TBC1D23: variants seen among roughly 807,000 people sequenced by gnomAD.
TBC1D23 encodes the protein TBC1 domain family member 23, also known as HCV non-structural protein 4A-transactivated protein 1.
A neutral mutation model predicts 91.4 loss-of-function variants in TBC1D23; 55 were observed. That is an observed-to-expected ratio of 0.60 (90% confidence interval 0.48 to 0.75). TBC1D23 has a LOEUF of 0.75. TBC1D23 is among the 30% of genes least tolerant of loss of function. The pLI is 0.00. For missense variants in TBC1D23, 725 were observed against 836.1 expected (o/e 0.87, Z 1.64); for synonymous variants, 289 against 281.0 (o/e 1.03, Z -0.28).
intron 1 of TBC1D23, among the ~76,000 whole-genome samples, chr3:100,271,348 T>C (rs187971029): frequency 6.6e-6 from 1 of 152,222 alleles, no homozygotes; most frequent in Admixed American, 6.5e-5. Context: ...CGTGGAGACG[T>C]TTTTGTGGTG....
At position 100,295,325 on chromosome 3, in the gene TBC1D23, C is replaced by A; in HGVS notation, c.749C>A (p.Ser250Ter). Residue 250 changes from serine to a stop codon, truncating the protein, a stop_gained, in exon 7 of 19, where the codon TCA (serine) becomes TAA (stop). Coordinates refer to ENST00000394144, the MANE Select transcript of TBC1D23 (RefSeq NM_001199198.3). LOFTEE classifies it high-confidence loss of function. ...AGAGAAGTTATTTTAACACAAGAGTCAGACAGCAAAGAAGAAGTTATCAGT... is the reference window on the plus strand; with the variant it reads ...AGAGAAGTTATTTTAACACAAGAGTAAGACAGCAAAGAAGAAGTTATCAGT... ...NAKEVILTQE[S>*]DSKEEVIKFL... 1 of 1,610,224 alleles carries A rather than the reference C, an allele frequency of 6.2e-7. No homozygotes were observed. Among genetic ancestry groups the A allele is most frequent in the South Asian group, 1.1e-5 (1 of 90,360 alleles).
chr3:100,298,006 C>T lies in TBC1D23; in HGVS notation c.960C>T (p.Ile320=), dbSNP rs367925064. The T allele has an allele frequency of 1.9e-6, 3 of 1,613,468 alleles. No individual in the cohort carries two copies. Among genetic ancestry groups the T allele is most frequent in the Non-Finnish European group, 2.5e-6 (3 of 1,179,642 alleles). ...TGAGTCAGGCTCTTTGTCTGGCCAT[C>T]TCCGTGTCAGAGATCCTTCAAGCGA... ...ADLSQALCLA[I]SVSEILQANQ... The change falls in exon 9 of 19, where the codon ATC becomes ATT. Residue 320 remains isoleucine (I), a synonymous_variant. Coordinates refer to ENST00000394144, the MANE Select transcript of TBC1D23 (RefSeq NM_001199198.3).
At chr3:100,288,983 G>A (rs1458774231) in intron 4 of TBC1D23, among the ~76,000 whole-genome samples, 2 of 152,184 alleles carry the variant, frequency 1.3e-5, no homozygotes, top group African/African-American at 4.8e-5. Flanking sequence ...GGAGGCCGAG[G>A]AGGGAGGATC....
chr3:100,271,559 A>G (rs1309394059), intron 1 of TBC1D23, among the ~76,000 whole-genome samples: 2 of 152,166 alleles, frequency 1.3e-5, no homozygotes, highest in Non-Finnish European at 2.9e-5. Context: ...TCCTGTGGAT[A>G]CAGGAAAGAA....
intron 15 of TBC1D23, among the ~76,000 whole-genome samples, chr3:100,312,195 C>T (rs1178452324): frequency 1.3e-5 from 2 of 152,246 alleles, no homozygotes; most frequent in South Asian, 2.1e-4. Context: ...TATGTGGTCG[C>T]GAGTTGGCAG....
intron 5 of TBC1D23, among the ~76,000 whole-genome samples, chr3:100,294,835 T>G (rs1175470121): frequency 6.6e-6 from 1 of 152,192 alleles, no homozygotes; most frequent in Admixed American, 6.5e-5. Flanking sequence ...ATTATTCCTC[T>G]TTTTTACAGA....
intron 4 of TBC1D23, among the ~76,000 whole-genome samples, chr3:100,286,976 G>A (rs2067748971): frequency 6.6e-6 from 1 of 151,172 alleles, no homozygotes; most frequent in Non-Finnish European, 1.5e-5. Context: ...CACCACACCC[G>A]GCGAATTTTT....
At chr3:100,309,999 A>G (rs1037677648) in intron 13 of TBC1D23, among the ~76,000 whole-genome samples, 6 of 152,208 alleles carry the variant, frequency 3.9e-5, no homozygotes, top group African/African-American at 1.4e-4. Context: ...GGGCTTAACC[A>G]ATGTAAATTT....
At chr3:100,300,449 C>G (rs889293720) in intron 10 of TBC1D23, among the ~76,000 whole-genome samples, 1 of 151,706 alleles carries the variant, frequency 6.6e-6, no homozygotes, top group Non-Finnish European at 1.5e-5. Flanking sequence ...ATTCCTCTCT[C>G]CTTCCTATTT....
chr3:100,296,586 G>A (rs1364917134), intron 8 of TBC1D23, among the ~76,000 whole-genome samples: 10 of 152,094 alleles, frequency 6.6e-5, no homozygotes, highest in Admixed American at 2.6e-4. Context: ...AGGGCCGGGC[G>A]TGGTGGCTCA....
intron 1 of TBC1D23, among the ~76,000 whole-genome samples, chr3:100,266,992 C>G (rs900028675): frequency 1.3e-5 from 2 of 152,190 alleles, no homozygotes; most frequent in Non-Finnish European, 2.9e-5. Flanking sequence ...TATATTCAAG[C>G]TGCTGTGTAA....
intron 9 of TBC1D23, 105 bp downstream of exon 9, chr3:100,298,150 A>G (rs899956127): frequency 1.0e-6 from 1 of 992,214 alleles, no homozygotes; most frequent in Non-Finnish European, 1.5e-6. Context: ...TACTGCAACA[A>G]GGTGGCTCTT....
intron 13 of TBC1D23, among the ~76,000 whole-genome samples, chr3:100,309,735 C>T (rs1216716256): frequency 3.3e-5 from 5 of 151,082 alleles, no homozygotes; most frequent in African/African-American, 9.7e-5. Flanking sequence ...CACAGCCTCC[C>T]GAGTAGCTGG....
chr3:100,282,908 A>G (rs528060075), intron 3 of TBC1D23, among the ~76,000 whole-genome samples: 43 of 152,070 alleles, frequency 2.8e-4, no homozygotes, highest in African/African-American at 1.0e-3. Context: ...TATGTTTGAC[A>G]TATATATAGA....
Position 100,267,446 on chromosome 3 carries a change from AAGG to A in TBC1D23, c.53+6378_53+6380del, listed in dbSNP as rs539372843. Among the ~76,000 whole-genome samples, 232 of 152,290 alleles carry A rather than the reference AAGG, an allele frequency of 1.5e-3. 1 individual carries two copies. The highest frequency in any genetic ancestry group is 4.4e-3 in the Admixed American group (68 of 15,292). ...TCTTCATCTTTTTTCTTGATGCTTA[AAGG>A]AGTTTTTTCTTATCCTTTAGCTGAC... On this transcript the variant is annotated intron_variant, in intron 1 of 18. Transcript: ENST00000394144.
In TBC1D23 at chr3:100,290,528, T is replaced by G. The variant is rs1171584010; in HGVS notation, c.477-50T>G. ...GCAGGAAGATTGGTTACTGATGTGA[T>G]TATTTCTGATCTGTTAATGCAAAAA... On this transcript the variant is annotated intron_variant, in intron 4 of 18. Coordinates refer to ENST00000394144, the MANE Select transcript of TBC1D23 (RefSeq NM_001199198.3). The G allele has an allele frequency of 3.2e-6, 5 of 1,577,988 alleles. No homozygotes were observed. In the African/African-American group the frequency reaches 6.8e-5, roughly 21 times the overall value.
chr3:100,321,081 G>A, intron 18 of TBC1D23, 110 bp downstream of exon 18: 1 of 791,470 alleles, frequency 1.3e-6, no homozygotes, highest in East Asian at 2.8e-5. Flanking sequence ...GGTGGAATAG[G>A]ATAGCTGAAC....
chr3:100,273,264 C>T (rs1226365225), intron 1 of TBC1D23, among the ~76,000 whole-genome samples: 3 of 152,180 alleles, frequency 2.0e-5, no homozygotes, highest in Non-Finnish European at 4.4e-5. Flanking sequence ...GCACATCTTG[C>T]ACAGCCCTTA....
chr3:100,302,142 G>A lies in TBC1D23; in HGVS notation c.1168G>A (p.Gly390Ser). The change falls in exon 11 of 19, where the codon GGC (glycine) becomes AGC (serine). Residue 390 changes from glycine (G) to serine (S), a missense_variant. Gly to Ser is a moderately conservative substitution (Grantham distance 56, BLOSUM62 0). Transcript: ENST00000394144. The stretch of plus-strand genomic sequence containing the variant: ...AGCACAGAAGCAGTCCATTGAGTCT[G>A]GCTCCATAGCTGGTGGGGAGCACCT... ...LEAQKQSIES[G>S]SIAGGEHLCF... The A allele has an allele frequency of 6.2e-7, 1 of 1,614,034 alleles. No homozygotes were observed. Among genetic ancestry groups the A allele is most frequent in the Non-Finnish European group, 8.5e-7 (1 of 1,179,912 alleles).
Sources: allele counts gnomAD v4.1 joint callset (sites outside exome capture counted in the v4.1 genomes callset), GRCh38; gene constraint gnomAD v4.1.1; transcripts MANE v1.5; gene names NCBI Gene and HGNC (gene_info 2026-07-23, HGNC 2026-07-21).